The following SLCO3A1 variants were observed in gnomAD, a reference collection of about 807,000 sequenced individuals.
SLCO3A1 encodes solute carrier organic anion transporter family member 3A1.
Under a neutral mutation model 63.1 loss-of-function variants are expected in SLCO3A1, and 27 were observed. The ratio of observed to expected loss-of-function variants is 0.43; its 90% CI spans 0.32 to 0.59. The LOEUF (loss-of-function observed/expected upper bound fraction) is 0.59. SLCO3A1 is among the 20% of genes least tolerant of loss of function. SLCO3A1 has a pLI of 0.09. For synonymous variants in SLCO3A1, 473 were observed against 409.9 expected, an observed-to-expected ratio of 1.15 and a Z score of -1.86; for missense variants, 773 against 945.8, an observed-to-expected ratio of 0.82 and a Z score of 2.40.
chr15:91,985,864 T>A (rs918044117), intron 2 of SLCO3A1, among the ~76,000 whole-genome samples: 19 of 152,170 alleles, frequency 1.2e-4, no homozygotes, highest in Middle Eastern at 3.4e-3. Flanking sequence ...GAGGAATGAG[T>A]GCACGGAGCT....
chr15:92,011,115 G>A (rs1168568270), intron 2 of SLCO3A1, among the ~76,000 whole-genome samples: 5 of 152,166 alleles, frequency 3.3e-5, no homozygotes, highest in African/African-American at 1.2e-4. Flanking sequence ...TTCTCTCACT[G>A]GCTATAGCAA....
intron 2 of SLCO3A1, among the ~76,000 whole-genome samples, chr15:92,085,606 T>C (rs1185438455): frequency 6.6e-6 from 1 of 152,250 alleles, no homozygotes; most frequent in Non-Finnish European, 1.5e-5. Flanking sequence ...TATGTACTTA[T>C]ATCACGCATG....
At chr15:91,974,265 G>GTCATTATTA (rs1555420155) in intron 2 of SLCO3A1, among the ~76,000 whole-genome samples, 1 of 142,958 alleles carries the variant, frequency 7.0e-6, no homozygotes, top group East Asian at 2.0e-4. Flanking sequence ...TTTCATTATT[G>GTCATTATTA]TTATTATTAT....
At chr15:92,062,827 A>G (rs2047103131) in intron 2 of SLCO3A1, among the ~76,000 whole-genome samples, 1 of 152,190 alleles carries the variant, frequency 6.6e-6, no homozygotes, top group South Asian at 2.1e-4. Flanking sequence ...CCTGGAAATC[A>G]GTGTCCAACC....
chr15:92,061,537 C>T (rs2047086176), intron 2 of SLCO3A1, among the ~76,000 whole-genome samples: 1 of 152,212 alleles, frequency 6.6e-6, no homozygotes, highest in Admixed American at 6.5e-5. Flanking sequence ...CCAGAAGTGT[C>T]CTCTTACTGG....
chr15:92,014,276 T>C (rs773995994), intron 2 of SLCO3A1, among the ~76,000 whole-genome samples: 1 of 152,040 alleles, frequency 6.6e-6, no homozygotes, highest in Non-Finnish European at 1.5e-5. Context: ...CTGCGGCTCT[T>C]TTAAGTGCAA....
intron 3 of SLCO3A1, among the ~76,000 whole-genome samples, chr15:92,103,703 A>G (rs1403119628): frequency 6.6e-6 from 1 of 151,924 alleles, no homozygotes; most frequent in East Asian, 1.9e-4. Context: ...CAGTAAACTG[A>G]GGCATAGAGA....
At chr15:91,901,244 A>G (rs775579820) in intron 1 of SLCO3A1, among the ~76,000 whole-genome samples, 15 of 152,148 alleles carry the variant, frequency 9.9e-5, no homozygotes, top group Non-Finnish European at 1.9e-4. Context: ...GAACATGGAA[A>G]CTTTCCTCCA....
At position 92,147,081 on chromosome 15, in the gene SLCO3A1, T is replaced by G; in HGVS notation, c.1610T>G (p.Leu537Arg). 6.2e-7 allele frequency: 1 copy of G among 1,614,132 alleles called. No homozygotes were observed. The highest frequency in any genetic ancestry group is 8.5e-7 in the Non-Finnish European group (1 of 1,180,018). Residue 537 changes from leucine (L) to arginine (R), a missense_variant, in exon 8 of 10, where the codon CTC becomes CGC. Transcript: ENST00000318445. Reference protein sequence around the residue: ...CPSPGCQEAFLTFLCVMCICS... With the variant: ...CPSPGCQEAFRTFLCVMCICS... ...AGTCCTGGGTGCCAAGAGGCCTTCC[T>G]CACTTTCCTCTGTGTGATGTGTATC... is the stretch of plus-strand genomic sequence containing the variant.
chr15:92,148,477 A>T (rs2048259510), intron 8 of SLCO3A1, among the ~76,000 whole-genome samples: 2 of 152,348 alleles, frequency 1.3e-5, no homozygotes, highest in African/African-American at 4.8e-5. Context: ...TGTGCAGAGC[A>T]TTAGGGTATA....
chr15:91,901,823 C>G (rs900975212), intron 1 of SLCO3A1, among the ~76,000 whole-genome samples: 4 of 152,066 alleles, frequency 2.6e-5, no homozygotes, highest in Non-Finnish European at 5.9e-5. Context: ...GTTTGTTCTT[C>G]TTTGGGGTTC....
chr15:92,146,140 G>T (rs919900015), intron 7 of SLCO3A1, among the ~76,000 whole-genome samples: 2 of 152,114 alleles, frequency 1.3e-5, no homozygotes, highest in Non-Finnish European at 2.9e-5. Flanking sequence ...TTCATTAAAG[G>T]CCTCTGCACT....
At chr15:91,931,782 T>C (rs2151390832) in intron 2 of SLCO3A1, among the ~76,000 whole-genome samples, 1 of 85,538 alleles carries the variant, frequency 1.2e-5, no homozygotes, top group East Asian at 7.3e-4. Flanking sequence ...GTGTCTTAAG[T>C]GTGGAAACAC....
At chr15:92,006,160 A>G (rs963595046) in intron 2 of SLCO3A1, among the ~76,000 whole-genome samples, 2 of 152,120 alleles carry the variant, frequency 1.3e-5, no homozygotes, top group Non-Finnish European at 2.9e-5. Flanking sequence ...TCAGAGGTTA[A>G]TTAGGTCTCT....
chr15:92,113,717 G>C (rs2047757550), intron 4 of SLCO3A1, among the ~76,000 whole-genome samples: 1 of 152,300 alleles, frequency 6.6e-6, no homozygotes, highest in Admixed American at 6.5e-5. Flanking sequence ...CCAGTGTGTG[G>C]CAGGCACTTG....
In SLCO3A1 at chr15:91,916,674, C is replaced by T. The variant is rs536208170; in HGVS notation, c.646+216C>T. On this transcript the variant is annotated intron_variant, in intron 2 of 9. Coordinates refer to ENST00000318445, the MANE Select transcript of SLCO3A1 (RefSeq NM_013272.4). The surrounding 1 kb of genome is among the most constrained non-coding windows in gnomAD (Gnocchi z 6.2). ...ATTCTTGTGAGCGGCCGAATTTGAGCTCCACGGGGCTAGACCACTAACACC... is the reference window on the plus strand; with the variant it reads ...ATTCTTGTGAGCGGCCGAATTTGAGTTCCACGGGGCTAGACCACTAACACC... 6.6e-6 allele frequency among the ~76,000 whole-genome samples: 1 copy of T among 152,192 alleles called. No homozygotes were observed. Among genetic ancestry groups the T allele is most frequent in the Admixed American group, 6.5e-5 (1 of 15,278 alleles).
At chr15:91,888,949 C>T (rs941531790) in intron 1 of SLCO3A1, among the ~76,000 whole-genome samples, 1 of 147,754 alleles carries the variant, frequency 6.8e-6, no homozygotes, top group East Asian at 2.0e-4. Context: ...CATAAGGTTT[C>T]GGGGAGCTGT....
intron 2 of SLCO3A1, among the ~76,000 whole-genome samples, chr15:92,065,942 C>T (rs1279990872): frequency 1.3e-5 from 2 of 152,194 alleles, no homozygotes; most frequent in African/African-American, 2.4e-5. Flanking sequence ...AGTGAGGACA[C>T]GGCTCAGAGG....
chr15:92,078,562 T>C (rs962431983), intron 2 of SLCO3A1, among the ~76,000 whole-genome samples: 5 of 152,216 alleles, frequency 3.3e-5, no homozygotes, highest in Admixed American at 6.5e-5. Context: ...GCCTCACATC[T>C]TGGGGCTCTC....
Sources: gnomAD v4.1 joint callset for allele counts (sites outside exome capture counted in the v4.1 genomes callset) on GRCh38, gnomAD v4.1.1 for gene constraint, Gnocchi (gnomAD v3.1) non-coding constraint, MANE v1.5 for transcripts, NCBI Gene and HGNC (gene_info 2026-07-23, HGNC 2026-07-21) for gene names.